TTC28: variants seen among roughly 807,000 people sequenced by gnomAD.
TTC28 encodes the protein tetratricopeptide repeat protein 28.
TTC28 carries 61 observed loss-of-function variants against 198.0 expected under a neutral mutation model. The ratio of observed to expected loss-of-function variants is 0.31; its 90% CI spans 0.25 to 0.38. The LOEUF (loss-of-function observed/expected upper bound fraction) is 0.38, where lower values mean the gene tolerates loss of function less well. Among genes scored for constraint, TTC28 ranks in the 10% least tolerant of loss-of-function variants. The probability of loss-of-function intolerance (pLI) is 1.00; values close to 1 mark genes in which losing one functional copy is unlikely to be tolerated. For synonymous variants in TTC28, 1,171 were observed against 1,297.8 expected (o/e 0.90, Z 2.10); for missense variants, 2,678 against 3,164.0 (o/e 0.85, Z 3.69).
At chr22:28,117,588 C>A (rs1942666768) in intron 6 of TTC28, among the ~76,000 whole-genome samples, 1 of 152,224 alleles carries the variant, frequency 6.6e-6, no homozygotes, top group African/African-American at 2.4e-5. Flanking sequence ...TGGACCTACA[C>A]AGAATTGTGG....
intron 2 of TTC28, among the ~76,000 whole-genome samples, chr22:28,519,221 T>C (rs1293444717): frequency 2.0e-5 from 3 of 152,182 alleles, no homozygotes; most frequent in African/African-American, 7.2e-5. Context: ...GTAACCTGGG[T>C]CCATTAGGAA....
intron 4 of TTC28, among the ~76,000 whole-genome samples, chr22:28,296,965 C>G (rs1044682004): frequency 6.6e-6 from 1 of 152,164 alleles, no homozygotes; most frequent in Admixed American, 6.5e-5. Flanking sequence ...CTATACTAAT[C>G]TCCTTCAACA....
chr22:28,555,843 T>C (rs187551566), intron 2 of TTC28, among the ~76,000 whole-genome samples: 1 of 152,236 alleles, frequency 6.6e-6, no homozygotes, highest in East Asian at 1.9e-4. Flanking sequence ...TGAAATAAAT[T>C]TTTAAATGCA....
At chr22:28,601,485 AC>A (rs1277492812) in intron 2 of TTC28, among the ~76,000 whole-genome samples, 1 of 152,222 alleles carries the variant, frequency 6.6e-6, no homozygotes, top group African/African-American at 2.4e-5. Flanking sequence ...ATACAGTATA[AC>A]AACTATTTAC....
Position 27,998,680 on chromosome 22 carries a change from A to G in TTC28, c.4979T>C (p.Val1660Ala). Reference protein sequence around the residue: ...AQCVLVSLWPVPVAASKMFIH... With the variant: ...AQCVLVSLWPAPVAASKMFIH... ...GAACATCTTAGAAGCAGCCACTGGC[A>G]CAGGCCACAGAGACACGAGGACACA... Residue 1660 changes from valine to alanine, a missense_variant, in exon 16 of 23, where the codon GTG becomes GCG. Physicochemically the swap from Val to Ala is moderately conservative, Grantham distance 64 (BLOSUM62 0). Transcript: ENST00000397906. The G allele has an allele frequency of 1.3e-6, 2 of 1,550,904 alleles. No individual in the cohort carries two copies. Among genetic ancestry groups the G allele is most frequent in the Non-Finnish European group, 1.7e-6 (2 of 1,146,998 alleles).
intron 2 of TTC28, among the ~76,000 whole-genome samples, chr22:28,528,712 G>C (rs1411021215): frequency 6.8e-6 from 1 of 147,322 alleles, no homozygotes; most frequent in Non-Finnish European, 1.5e-5. Context: ...TTCCTGATTG[G>C]GCAACAGAGC....
rs1396219485 is a variant in TTC28, at chr22:28,655,830, G to A, written c.102+23792C>T. Among the ~76,000 whole-genome samples, 7 of 148,222 alleles carry A rather than the reference G, an allele frequency of 4.7e-5. No individual in the cohort carries two copies. In the South Asian group the frequency reaches 1.5e-3, roughly 32 times the overall value. On this transcript the variant is annotated intron_variant, in intron 1 of 22. Coordinates refer to ENST00000397906, the MANE Select transcript of TTC28 (RefSeq NM_001145418.2). ...TGTGCCACTGCACTCCAGCCTGGGC[G>A]ACAGAGCAAGACTCCGTCTCAAAAA... is the stretch of plus-strand genomic sequence containing the variant.
intron 1 of TTC28, among the ~76,000 whole-genome samples, chr22:28,635,316 G>C (rs540843675): frequency 6.6e-6 from 1 of 151,924 alleles, no homozygotes; most frequent in Non-Finnish European, 1.5e-5. Context: ...GCAAGACTCC[G>C]TCTCAAAAAA....
At chr22:28,147,528 T>G (rs911564457) in intron 6 of TTC28, among the ~76,000 whole-genome samples, 2 of 152,172 alleles carry the variant, frequency 1.3e-5, no homozygotes, top group Non-Finnish European at 2.9e-5. Flanking sequence ...TCTCCATAAT[T>G]TTAGACATTT....
chr22:28,379,607 T>C (rs577770106), intron 2 of TTC28, among the ~76,000 whole-genome samples: 1 of 152,252 alleles, frequency 6.6e-6, no homozygotes, highest in South Asian at 2.1e-4. Context: ...AGAATGGTAG[T>C]TGCCAGAAGT....
At position 27,983,706 on chromosome 22, in the gene TTC28, T is replaced by A. The variant is rs553878294; in HGVS notation, c.5961A>T (p.Ser1987=). 1.9e-6 allele frequency: 3 copies of A among 1,550,932 alleles called. No homozygotes were observed. Among genetic ancestry groups the A allele is most frequent in the South Asian group, 1.2e-5 (1 of 83,954 alleles). ...FSPTGADSIA[S]DAISVYSLSS... is the part of the protein sequence containing the mutation. ...TCAGACTGTACACAGAGATGGCATC[T>A]GAGGCGATGCTGTCCGCACCGGTGG... The change falls in exon 23 of 23, where the codon TCA becomes TCT. Residue 1987 remains serine (S), a synonymous_variant. Coordinates refer to ENST00000397906, the MANE Select transcript of TTC28 (RefSeq NM_001145418.2).
chr22:28,040,891 T>C (rs1161732941), intron 12 of TTC28, among the ~76,000 whole-genome samples: 1 of 152,138 alleles, frequency 6.6e-6, no homozygotes, highest in Non-Finnish European at 1.5e-5. Context: ...AGCAAAGTCT[T>C]AGGATACAAA....
chr22:28,168,500 C>G (rs1051158816), intron 5 of TTC28, among the ~76,000 whole-genome samples: 23 of 151,986 alleles, frequency 1.5e-4, no homozygotes, highest in Admixed American at 1.1e-3. Flanking sequence ...CAGAACAGAG[C>G]CCTCAGAAAT....
At chr22:28,114,249 T>C (rs5762481) in intron 6 of TTC28, among the ~76,000 whole-genome samples, 24,948 of 152,242 alleles carry the variant, frequency 0.16, 2,486 homozygotes, top group East Asian at 0.35. Flanking sequence ...CTCCTCCTCA[T>C]TGGGAGAAGT....
rs532761397 is a variant in TTC28, at chr22:28,015,141, C to T, written c.4074-749G>A. Among the ~76,000 whole-genome samples the T allele has an allele frequency of 2.0e-5, 3 of 152,344 alleles. No individual in the cohort carries two copies. In the South Asian group the frequency reaches 6.2e-4, roughly 32 times the overall value. On this transcript the variant is annotated intron_variant, in intron 13 of 22. Coordinates refer to ENST00000397906, the MANE Select transcript of TTC28 (RefSeq NM_001145418.2). ...TTCACTCATTCATTTGGAAAATTTTCCCCAAGCACTGGCTGTCTGCCAGGC... is the reference window on the plus strand; with the variant it reads ...TTCACTCATTCATTTGGAAAATTTTTCCCAAGCACTGGCTGTCTGCCAGGC...
intron 12 of TTC28, among the ~76,000 whole-genome samples, chr22:28,086,061 T>C (rs367678594): frequency 1.8e-4 from 27 of 152,074 alleles, no homozygotes; most frequent in South Asian, 1.0e-3. Context: ...CACAATAATA[T>C]TGGGAGACTT....
chr22:28,329,999 G>A (rs962447687), intron 2 of TTC28, among the ~76,000 whole-genome samples: 1 of 152,140 alleles, frequency 6.6e-6, no homozygotes, highest in Non-Finnish European at 1.5e-5. Context: ...CCTGCCAACA[G>A]GCACAGGAAG....
intron 13 of TTC28, among the ~76,000 whole-genome samples, chr22:28,020,773 C>G (rs1938559359): frequency 6.9e-6 from 1 of 145,332 alleles, no homozygotes; most frequent in South Asian, 2.2e-4. Context: ...AAGTCCCCCT[C>G]CCCCAACACA....
At chr22:28,473,960 A>C (rs919844629) in intron 2 of TTC28, among the ~76,000 whole-genome samples, 9 of 152,182 alleles carry the variant, frequency 5.9e-5, no homozygotes, top group African/African-American at 2.2e-4. Context: ...ACTATGATAA[A>C]AGAAAATTTT....
Sources: gnomAD v4.1 joint callset for allele counts (sites outside exome capture counted in the v4.1 genomes callset) on GRCh38, gnomAD v4.1.1 for gene constraint, MANE v1.5 for transcripts, NCBI Gene and HGNC (gene_info 2026-07-23, HGNC 2026-07-21) for gene names.